TEP1: variants seen among roughly 807,000 people sequenced by gnomAD.
TEP1 encodes the protein telomerase protein component 1.
In TEP1, 241 loss-of-function variants were observed where a neutral mutation model predicts 306.3. The observed-to-expected ratio is 0.79, with a 90% CI of 0.71 to 0.88. The LOEUF is 0.88. Among genes scored for constraint, TEP1 ranks in the 40% least tolerant of loss-of-function variants. TEP1 has a pLI of 0.00. For synonymous variants in TEP1, 1,289 were observed against 1,305.5 expected, an observed-to-expected ratio of 0.99 and a Z score of 0.27; for missense variants, 3,051 against 3,276.1, an observed-to-expected ratio of 0.93 and a Z score of 1.68.
At chr14:20,391,538 G>T in intron 13 of TEP1, 61 bp downstream of exon 13, 1 of 1,552,840 alleles carries the variant, frequency 6.4e-7, no homozygotes, top group Non-Finnish European at 8.8e-7. Flanking sequence ...ACAGGATACT[G>T]CTCAGGATCC....
At position 20,380,378 on chromosome 14, in the gene TEP1, G is replaced by T; in HGVS notation, c.4860C>A (p.Tyr1620Ter). The T allele has an allele frequency of 3.1e-6, 5 of 1,614,236 alleles. No homozygotes were observed. Among genetic ancestry groups the T allele is most frequent in the Middle Eastern group, 3.3e-4 (2 of 6,062 alleles). The change falls in exon 34 of 55, where the codon TAC (tyrosine) becomes TAA (stop). Residue 1620 changes from tyrosine to a stop codon, truncating the protein, a stop_gained. Coordinates refer to ENST00000262715, the MANE Select transcript of TEP1 (RefSeq NM_007110.5). LOFTEE classifies it high-confidence loss of function. ...CTGCCTGCTGGGGCAGGAGCCGGGG[G>T]TACTGGCTGAGGATTGAAGCCTGCT... ...LRQQASILSQ[Y>*]PRLLPQQAAN...
At position 20,404,673 on chromosome 14, in the gene TEP1, G is replaced by A. The variant is rs773872270; in HGVS notation, c.970C>T (p.Arg324Ter). Residue 324 changes from arginine (R) to a stop codon, truncating the protein, a stop_gained, in exon 5 of 55, where the codon CGA (arginine) becomes TGA (stop). Transcript: ENST00000262715. LOFTEE classifies it high-confidence loss of function. ...AGCTGGACAATGGCACAGAAATATCGTCGCAGGTGGGGGCGACACGCCGGC... is the reference window on the plus strand; with the variant it reads ...AGCTGGACAATGGCACAGAAATATCATCGCAGGTGGGGGCGACACGCCGGC... Reference protein sequence around the residue: ...FLPACRPHLRRYFCAIVQLPS... With the variant: ...FLPACRPHLR 2.1e-5 allele frequency: 34 copies of A among 1,614,044 alleles called. No homozygotes were observed. Among genetic ancestry groups the A allele is most frequent in the South Asian group, 3.3e-5 (3 of 91,084 alleles).
rs1411143655 is a variant in TEP1 at position 20,384,731 on chromosome 14, CA to C, written c.3108-19del. On this transcript the variant is annotated intron_variant, in intron 21 of 54. Coordinates refer to ENST00000262715, the MANE Select transcript of TEP1 (RefSeq NM_007110.5). ...GCACAGAGCTGACCACCAAAGACCC[CA>C]AAAGTTGGAATAGACTCAGACCCCA... 1 of 1,605,732 alleles carries C rather than the reference CA, an allele frequency of 6.2e-7. No homozygotes were observed.
intron 3 of TEP1, among the ~76,000 whole-genome samples, chr14:20,405,869 C>T (rs8005679): frequency 0.2 from 29,879 of 151,796 alleles, 3,043 homozygotes; most frequent in African/African-American, 0.24. Context: ...CAAAAATTAG[C>T]CAGGCATGGC....
chr14:20,380,583 C>T (rs184316992), intron 33 of TEP1, 108 bp from the exon 34 acceptor site: 24 of 1,444,642 alleles, frequency 1.7e-5, no homozygotes, highest in African/African-American at 2.9e-5. Context: ...CAAAGTGTGG[C>T]CCTCTGGCCC....
Position 20,379,078 on chromosome 14 carries a change from C to G in TEP1, c.5155G>C (p.Asp1719His), listed in dbSNP as rs771079264. Residue 1719 changes from aspartate to histidine, a missense_variant, in exon 36 of 55, where the codon GAT (aspartate) becomes CAT (histidine). Asp to His is a moderately conservative substitution (Grantham distance 81). This residue lies in a region of TEP1 where 1,540 missense variants were observed against 1,705.9 expected (regional missense o/e 0.90). Coordinates refer to ENST00000262715, the MANE Select transcript of TEP1 (RefSeq NM_007110.5). ...AGGAACAAACAAGCAGAGATTCCAT[C>G]ACAGCCACTCACCACAGACTTCTCC... is the stretch of plus-strand genomic sequence containing the variant. The part of the protein sequence containing the change: ...QEEKSVVSGC[D>H]GISACLFLSD... The G allele has an allele frequency of 6.2e-6, 10 of 1,614,176 alleles. 1 individual carries two copies. The highest frequency in any genetic ancestry group is 3.3e-4 in the Middle Eastern group (2 of 6,062).
chr14:20,381,773 C>T lies in TEP1; in HGVS notation c.4425-87G>A. ...ACACAGTGGGCTCCTATTCCCCCCT[C>T]AAATAGCGGAAACTGGAGCAGCTGG... On this transcript the variant is annotated intron_variant, in intron 30 of 54. Transcript: ENST00000262715. This position sits in a 1 kb window ranked among gnomAD's most constrained non-coding sequence, Gnocchi z 4.0. The T allele has an allele frequency of 6.5e-7, 1 of 1,532,986 alleles. No homozygotes were observed. The highest frequency in any genetic ancestry group is 1.3e-5 in the South Asian group (1 of 77,674). The allele number at this position is 1,532,986 out of a possible 1,614,324, so 95.0% of individuals were successfully genotyped here.
chr14:20,369,577 C>G lies in TEP1; in HGVS notation c.7424-1G>C. ...GAGCTGGCACACAAAAATGAGGACT[C>G]TGCCATTTTAAGGACAGAATTAGAG... On this transcript the variant is annotated splice_acceptor_variant, in intron 52 of 54. Transcript: ENST00000262715. LOFTEE classifies it high-confidence loss of function. 1 of 1,614,118 alleles carries G rather than the reference C, an allele frequency of 6.2e-7. No individual in the cohort carries two copies. Among genetic ancestry groups the G allele is most frequent in the African/African-American group, 1.3e-5 (1 of 75,022 alleles).
intron 22 of TEP1, 40 bp from the exon 23 acceptor site, chr14:20,384,548 G>A (rs779375197): frequency 4.8e-5 from 78 of 1,613,560 alleles, no homozygotes; most frequent in Admixed American, 3.0e-4. Flanking sequence ...GAGCAGGCCC[G>A]GCTCCTCTCA....
chr14:20,382,484 G>T lies in TEP1; in HGVS notation c.4141-128C>A, dbSNP rs879076945. The T allele has an allele frequency of 3.1e-5, 48 of 1,526,352 alleles. No homozygotes were observed. The South Asian group carries it at 5.7e-4, about 18-fold the overall frequency. The allele number at this position is 1,526,352 out of a possible 1,614,324, so 94.6% of individuals were successfully genotyped here. A position where few individuals can be genotyped will look rare whatever the true frequency, so the allele number is the denominator to read the frequency against. On this transcript the variant is annotated intron_variant, in intron 28 of 54. Transcript: ENST00000262715. ...AAAAGTAAAGAACAACAGTAGGAGG[G>T]AAGTGAGGCGAGGTATGAGGCGAGG...
intron 1 of TEP1, among the ~76,000 whole-genome samples, chr14:20,409,784 GC>G (rs1187342910): frequency 1.3e-5 from 2 of 152,084 alleles, no homozygotes; most frequent in Non-Finnish European, 2.9e-5. Flanking sequence ...ACTTTGGGAG[GC>G]CGAGGCGGGC....
At chr14:20,413,107 G>C (rs191125999) in intron 1 of TEP1, among the ~76,000 whole-genome samples, 2 of 152,314 alleles carry the variant, frequency 1.3e-5, no homozygotes, top group African/African-American at 4.8e-5. Flanking sequence ...GGAAGTAAGA[G>C]GGGATGATTC....
In TEP1 at chr14:20,379,114, G is replaced by A. The variant is rs777079242; in HGVS notation, c.5128-9C>T. On this transcript the variant is annotated splice_polypyrimidine_tract_variant and intron_variant, in intron 35 of 54. Coordinates refer to ENST00000262715, the MANE Select transcript of TEP1 (RefSeq NM_007110.5). ...ACCACAGACTTCTCCTCCTGCGACA[G>A]TGGGTGAGGGAGCGCAGCTCAGGCC... The A allele has an allele frequency of 6.2e-7, 1 of 1,613,756 alleles. No homozygotes were observed. The highest frequency in any genetic ancestry group is 8.5e-7 in the Non-Finnish European group (1 of 1,179,790).
chr14:20,392,375 A>G (rs1328207910), intron 12 of TEP1, among the ~76,000 whole-genome samples: 1 of 152,084 alleles, frequency 6.6e-6, no homozygotes, highest in Non-Finnish European at 1.5e-5. Flanking sequence ...GCTGATCAAC[A>G]TTAGCATTAC....
intron 12 of TEP1, among the ~76,000 whole-genome samples, chr14:20,392,419 A>G (rs569055758): frequency 6.6e-6 from 1 of 150,990 alleles, no homozygotes; most frequent in African/African-American, 2.4e-5. Flanking sequence ...GTATATATAT[A>G]GGATCACCTA....
chr14:20,391,822 A>C, intron 12 of TEP1, 55 bp from the exon 13 acceptor site: 1 of 1,579,796 alleles, frequency 6.3e-7, no homozygotes, highest in Non-Finnish European at 8.7e-7. Flanking sequence ...TGCCCCTTAG[A>C]GGCAGACGGG....
At chr14:20,393,670 T>C (rs976285848) in intron 12 of TEP1, among the ~76,000 whole-genome samples, 3 of 152,064 alleles carry the variant, frequency 2.0e-5, no homozygotes, top group Admixed American at 2.0e-4. Context: ...TATGCACCTG[T>C]AATCCCAGCT....
At chr14:20,380,205 G>T (rs1270319920) in intron 34 of TEP1, 30 bp downstream of exon 34, 5 of 1,604,682 alleles carry the variant, frequency 3.1e-6, no homozygotes, top group Non-Finnish European at 3.4e-6. Flanking sequence ...TCTCTGGTGG[G>T]CTTACTAGGG....
rs766017661 is a variant in TEP1 at position 20,371,338 on chromosome 14, T to C, written c.7221-24A>G. The stretch of plus-strand genomic sequence containing the variant: ...TCCTGGTTTGTGAGAAAGGAATAGG[T>C]TGAGCTCAGGATTTAAAGAGAGGTA... On this transcript the variant is annotated intron_variant, in intron 50 of 54. Transcript: ENST00000262715. 1.1e-5 allele frequency: 17 copies of C among 1,609,160 alleles called. 1 individual carries two copies. In the South Asian group the frequency reaches 1.8e-4, roughly 17 times the overall value.
Sources: gnomAD v4.1 joint callset for allele counts (sites outside exome capture counted in the v4.1 genomes callset) on GRCh38, gnomAD v4.1.1 for gene constraint, gnomAD v4.1.1 regional missense constraint, Gnocchi (gnomAD v3.1) non-coding constraint, MANE v1.5 for transcripts, NCBI Gene and HGNC (gene_info 2026-07-23, HGNC 2026-07-21) for gene names.